The following SDK1 variants were observed in gnomAD, a reference collection of about 807,000 sequenced individuals.
The protein encoded by SDK1 is sidekick cell adhesion molecule 1.
A neutral mutation model predicts 245.5 loss-of-function variants in SDK1; 157 were observed. The observed-to-expected ratio is 0.64, with a 90% CI of 0.56 to 0.73. The LOEUF is 0.73. SDK1 is among the 30% of genes least tolerant of loss of function. The pLI is 0.00. For missense variants in SDK1, 3,583 were observed against 3,002.3 expected, an observed-to-expected ratio of 1.19 and a Z score of -4.52; for synonymous variants, 1,647 against 1,278.5, an observed-to-expected ratio of 1.29 and a Z score of -6.15.
chr7:3,878,778 T>A (rs1781135328), intron 5 of SDK1, among the ~76,000 whole-genome samples: 3 of 152,176 alleles, frequency 2.0e-5, no homozygotes, highest in South Asian at 2.1e-4. Context: ...ATCTTTTTTT[T>A]AATTCCTAGA....
chr7:3,471,775 A>G (rs750872492), intron 1 of SDK1, among the ~76,000 whole-genome samples: 4 of 152,170 alleles, frequency 2.6e-5, no homozygotes, highest in Non-Finnish European at 4.4e-5. Context: ...TTTACTTTTT[A>G]TAGTCTACTC....
At chr7:3,482,008 A>T in intron 1 of SDK1, among the ~76,000 whole-genome samples, 1 of 148,258 alleles carries the variant, frequency 6.7e-6, no homozygotes, top group South Asian at 2.2e-4. Context: ...ATAATAAGGG[A>T]TTAATAATCA....
At chr7:4,002,248 AGCCG>A (rs1785129030) in intron 14 of SDK1, among the ~76,000 whole-genome samples, 1 of 104 alleles carries the variant, frequency 9.6e-3, no homozygotes, top group Admixed American at 0.25. Flanking sequence ...TCTGGGCTCC[AGCCG>A]GAGGGGTGAG....
chr7:4,131,949 C>T (rs940757723), intron 27 of SDK1, among the ~76,000 whole-genome samples: 12 of 152,246 alleles, frequency 7.9e-5, no homozygotes, highest in East Asian at 1.9e-4. Flanking sequence ...TAAGGGAATC[C>T]GAGCTCAGAT....
At chr7:3,454,341 A>G (rs1780608166) in intron 1 of SDK1, among the ~76,000 whole-genome samples, 1 of 150,950 alleles carries the variant, frequency 6.6e-6, no homozygotes, top group South Asian at 2.1e-4. Context: ...CCCATTTAAA[A>G]ATGAACTTTT....
chr7:3,900,755 C>G (rs1025208043), intron 5 of SDK1, among the ~76,000 whole-genome samples: 6 of 152,080 alleles, frequency 3.9e-5, no homozygotes, highest in Admixed American at 2.6e-4. Flanking sequence ...CCCTCTTTCC[C>G]TCTTTGCATG....
At chr7:4,202,014 C>T (rs1783915059) in intron 35 of SDK1, among the ~76,000 whole-genome samples, 1 of 152,214 alleles carries the variant, frequency 6.6e-6, no homozygotes, top group Non-Finnish European at 1.5e-5. Flanking sequence ...CTATAGTCAG[C>T]AGTGCCCTTG....
At chr7:3,542,306 T>C (rs1283532044) in intron 1 of SDK1, among the ~76,000 whole-genome samples, 3 of 152,230 alleles carry the variant, frequency 2.0e-5, no homozygotes, top group Non-Finnish European at 2.9e-5. Context: ...GCATAATTTT[T>C]CTCCCCAACA....
At chr7:4,157,045 T>A (rs1354965835) in intron 30 of SDK1, among the ~76,000 whole-genome samples, 2 of 152,158 alleles carry the variant, frequency 1.3e-5, no homozygotes, top group Non-Finnish European at 2.9e-5. Context: ...CAGAGCAGTT[T>A]CCTCACTTGC....
chr7:3,378,633 C>T (rs963194373), intron 1 of SDK1, among the ~76,000 whole-genome samples: 1 of 152,134 alleles, frequency 6.6e-6, no homozygotes, highest in South Asian at 2.1e-4. Flanking sequence ...CTCTTTCATG[C>T]TGTTTGTTTA....
intron 1 of SDK1, among the ~76,000 whole-genome samples, chr7:3,418,587 C>CT (rs1456154057): frequency 1.3e-5 from 2 of 152,090 alleles, no homozygotes; most frequent in Admixed American, 1.3e-4. Context: ...CCTTAAATGA[C>CT]TAAGTCTTCA....
intron 1 of SDK1, among the ~76,000 whole-genome samples, chr7:3,569,455 A>AG (rs1562569561): frequency 6.6e-6 from 1 of 152,252 alleles, no homozygotes; most frequent in Non-Finnish European, 1.5e-5. Flanking sequence ...ATTTCTCTTG[A>AG]GAAGTCTGGA....
intron 44 of SDK1, among the ~76,000 whole-genome samples, chr7:4,251,374 C>G (rs1361685559): frequency 6.6e-6 from 1 of 152,162 alleles, no homozygotes; most frequent in East Asian, 1.9e-4. Flanking sequence ...CCAGAGGAGA[C>G]CAGATTCACG....
intron 4 of SDK1, among the ~76,000 whole-genome samples, chr7:3,712,518 C>T (rs1278854241): frequency 1.3e-5 from 2 of 152,098 alleles, no homozygotes; most frequent in Non-Finnish European, 2.9e-5. Context: ...ATTCCAAAAC[C>T]ATCCCCCAAC....
chr7:3,451,261 C>T (rs73293200), intron 1 of SDK1, among the ~76,000 whole-genome samples: 4 of 151,936 alleles, frequency 2.6e-5, no homozygotes, highest in South Asian at 2.1e-4. Flanking sequence ...AAGAGACAAG[C>T]CCGGAGTTCC....
intron 4 of SDK1, among the ~76,000 whole-genome samples, chr7:3,706,813 A>G (rs1310813953): frequency 6.6e-6 from 1 of 152,170 alleles, no homozygotes; most frequent in Non-Finnish European, 1.5e-5. Context: ...CCAGGAATTT[A>G]TTCATTTCCT....
intron 4 of SDK1, among the ~76,000 whole-genome samples, chr7:3,685,079 T>C (rs1373689139): frequency 1.3e-5 from 2 of 152,190 alleles, no homozygotes; most frequent in African/African-American, 4.8e-5. Flanking sequence ...TTTGAAGAAG[T>C]AATGTTTGAC....
chr7:3,595,658 C>T (rs60347773), intron 1 of SDK1, among the ~76,000 whole-genome samples: 8 of 151,666 alleles, frequency 5.3e-5, no homozygotes, highest in Non-Finnish European at 1.2e-4. Flanking sequence ...TTGACCTTGA[C>T]TCTGCCACTT....
intron 17 of SDK1, among the ~76,000 whole-genome samples, chr7:4,033,258 GA>G (rs146184926): frequency 0.067 from 10,224 of 152,086 alleles, 724 homozygotes; most frequent in African/African-American, 0.17. Context: ...TACCTATATG[GA>G]AAAAATACAA....
Sources: allele counts gnomAD v4.1 joint callset (sites outside exome capture counted in the v4.1 genomes callset), GRCh38; gene constraint gnomAD v4.1.1; transcripts MANE v1.5; gene names NCBI Gene and HGNC (gene_info 2026-07-23, HGNC 2026-07-21).